CNTNAP2: variants seen among roughly 807,000 people sequenced by gnomAD.
CNTNAP2 encodes contactin-associated protein-like 2.
CNTNAP2 carries 98 observed loss-of-function variants against 155.2 expected under a neutral mutation model. The observed-to-expected ratio is 0.63, with a 90% CI of 0.54 to 0.75. The LOEUF (loss-of-function observed/expected upper bound fraction) is 0.75, where lower values mean the gene tolerates loss of function less well. Ranked by LOEUF, CNTNAP2 falls within the 30% of genes least tolerant of loss-of-function variation. The pLI is 0.00. For missense variants in CNTNAP2, 1,727 were observed against 1,688.1 expected (o/e 1.02, Z -0.40); for synonymous variants, 651 against 631.2 (o/e 1.03, Z -0.47).
At chr7:146,905,928 C>A (rs1562995170) in intron 3 of CNTNAP2, among the ~76,000 whole-genome samples, 2 of 152,162 alleles carry the variant, frequency 1.3e-5, no homozygotes, top group Admixed American at 6.5e-5. Context: ...TGGGCGCAGG[C>A]CAGTGGGTGC....
chr7:146,496,249 G>C (rs1394868305), intron 1 of CNTNAP2, among the ~76,000 whole-genome samples: 1 of 152,102 alleles, frequency 6.6e-6, no homozygotes, highest in Non-Finnish European at 1.5e-5. Flanking sequence ...TTTCTCAAAA[G>C]CCCACAATAC....
chr7:148,381,319 C>T (rs1014242043), intron 21 of CNTNAP2: 23 of 152,188 alleles, frequency 1.5e-4, no homozygotes, highest in Admixed American at 7.2e-4. Flanking sequence ...TAGCAGCATC[C>T]GAGCTCTTGT....
At chr7:146,546,391 A>G (rs1798029583) in intron 1 of CNTNAP2, among the ~76,000 whole-genome samples, 1 of 151,952 alleles carries the variant, frequency 6.6e-6, no homozygotes, top group Non-Finnish European at 1.5e-5. Flanking sequence ...TACACTACCA[A>G]ATAAATAATT....
intron 1 of CNTNAP2, among the ~76,000 whole-genome samples, chr7:146,338,878 T>C (rs1467099110): frequency 6.9e-6 from 1 of 145,512 alleles, no homozygotes; most frequent in East Asian, 1.9e-4. Context: ...ACAGAAAAGA[T>C]TTTTTTTTTA....
Position 148,395,002 on chromosome 7 carries a change from A to G in CNTNAP2, c.3715+11114A>G, listed in dbSNP as rs1258748334. On this transcript the variant is annotated intron_variant, in intron 22 of 23. Transcript: ENST00000361727. Reference sequence around the variant, plus strand: ...TACCCGTTATTTTATCTTTTTCTAGAAATTCGTGCATTTAACCTAGGTTTT... The same window carrying G: ...TACCCGTTATTTTATCTTTTTCTAGGAATTCGTGCATTTAACCTAGGTTTT... Among the ~76,000 whole-genome samples the G allele has an allele frequency of 3.3e-5, 5 of 152,180 alleles. No individual in the cohort carries two copies. In the East Asian group the frequency reaches 9.7e-4, roughly 29 times the overall value.
At chr7:147,033,160 G>GTATATATATA (rs3081742) in intron 3 of CNTNAP2, among the ~76,000 whole-genome samples, 40 of 90,822 alleles carry the variant, frequency 4.4e-4, no homozygotes, top group Middle Eastern at 7.8e-3. Context: ...ATATATATAT[G>GTATATATATA]TATATATATA....
chr7:147,920,744 A>G (rs1342602548), intron 14 of CNTNAP2, among the ~76,000 whole-genome samples: 15 of 151,320 alleles, frequency 9.9e-5, no homozygotes, highest in Non-Finnish European at 1.5e-5. Context: ...AGACAGATTT[A>G]AGAATGTGTC....
chr7:148,311,233 T>G (rs558617463), intron 21 of CNTNAP2, among the ~76,000 whole-genome samples: 7 of 152,044 alleles, frequency 4.6e-5, no homozygotes, highest in Non-Finnish European at 1.0e-4. Flanking sequence ...AGGGTAAAAG[T>G]GAGGGCTGTT....
intron 8 of CNTNAP2, among the ~76,000 whole-genome samples, chr7:147,203,892 G>T (rs1421617131): frequency 6.6e-6 from 1 of 152,066 alleles, no homozygotes; most frequent in Admixed American, 6.6e-5. Flanking sequence ...ATAGCAAAAT[G>T]TAAGAAATTA....
intron 13 of CNTNAP2, chr7:147,704,719 T>C (rs1166145926): frequency 6.6e-6 from 1 of 151,882 alleles, no homozygotes; most frequent in Admixed American, 6.7e-5. Flanking sequence ...TGGACTTTGC[T>C]CTGTTGGGAG....
intron 15 of CNTNAP2, among the ~76,000 whole-genome samples, chr7:148,033,110 G>T (rs1347029890): frequency 6.6e-6 from 1 of 152,044 alleles, no homozygotes; most frequent in African/African-American, 2.4e-5. Context: ...ATCTTAAAAA[G>T]TTAAAGAACT....
intron 21 of CNTNAP2, among the ~76,000 whole-genome samples, chr7:148,302,719 C>T (rs13246544): frequency 0.59 from 89,620 of 151,846 alleles, 28,276 homozygotes; most frequent in East Asian, 0.76. Flanking sequence ...TTCCCCTTCC[C>T]CATGATTGTA....
chr7:146,611,860 A>G (rs1799143581), intron 1 of CNTNAP2, among the ~76,000 whole-genome samples: 1 of 152,174 alleles, frequency 6.6e-6, no homozygotes, highest in Non-Finnish European at 1.5e-5. Flanking sequence ...GGAAATATGG[A>G]TTGTCCACAG....
chr7:147,657,802 A>G (rs1795547525), intron 13 of CNTNAP2, among the ~76,000 whole-genome samples: 1 of 152,252 alleles, frequency 6.6e-6, no homozygotes. Context: ...AGGATTTAGC[A>G]GAGATTTTAT....
intron 13 of CNTNAP2, among the ~76,000 whole-genome samples, chr7:147,840,091 C>T (rs1238249869): frequency 6.6e-6 from 1 of 151,930 alleles, no homozygotes; most frequent in East Asian, 1.9e-4. Context: ...CTCATGTTCT[C>T]ACTTATAAGT....
intron 10 of CNTNAP2, among the ~76,000 whole-genome samples, chr7:147,416,101 T>A (rs1308193167): frequency 1.3e-5 from 2 of 152,258 alleles, no homozygotes; most frequent in Admixed American, 6.5e-5. Flanking sequence ...GTTGCTTACT[T>A]TCTCAGCAAT....
At chr7:146,741,193 A>C (rs1328284588) in intron 1 of CNTNAP2, among the ~76,000 whole-genome samples, 1 of 151,976 alleles carries the variant, frequency 6.6e-6, no homozygotes, top group Admixed American at 6.5e-5. Context: ...GTCTTTTCTT[A>C]TTATTGTACT....
At chr7:148,112,957 G>T (rs1299293282) in intron 15 of CNTNAP2, among the ~76,000 whole-genome samples, 1 of 152,020 alleles carries the variant, frequency 6.6e-6, no homozygotes, top group Non-Finnish European at 1.5e-5. Context: ...GCAGGGAACT[G>T]CTTTTTGCTT....
chr7:147,131,043 C>CATATATATATGTGTAT (rs1554441735), intron 7 of CNTNAP2, among the ~76,000 whole-genome samples: 1 of 62,080 alleles, frequency 1.6e-5, no homozygotes, highest in Non-Finnish European at 3.7e-5. Flanking sequence ...TATATATACA[C>CATATATATATGTGTAT]ATATATATAT....
Sources: allele counts gnomAD v4.1 joint callset (sites outside exome capture counted in the v4.1 genomes callset), GRCh38; gene constraint gnomAD v4.1.1; transcripts MANE v1.5; gene names NCBI Gene and HGNC (gene_info 2026-07-23, HGNC 2026-07-21).